PTPRJ: variants seen among roughly 807,000 people sequenced by gnomAD.
PTPRJ encodes receptor-type tyrosine-protein phosphatase eta.
A neutral mutation model predicts 141.3 loss-of-function variants in PTPRJ; 129 were observed. That is an observed-to-expected ratio of 0.91 (90% CI 0.79 to 1.06). The LOEUF (loss-of-function observed/expected upper bound fraction) is 1.06. Ranked by LOEUF, PTPRJ falls within the 50% of genes least tolerant of loss-of-function variation. The pLI, the probability that PTPRJ is intolerant of heterozygous loss-of-function variation, is 0.00. For missense variants in PTPRJ, 1,601 were observed against 1,679.7 expected (o/e 0.95, Z 0.82); for synonymous variants, 610 against 640.5 (o/e 0.95, Z 0.72).
At chr11:48,160,368 CTG>C (rs1857736196) in intron 22 of PTPRJ, among the ~76,000 whole-genome samples, 1 of 152,204 alleles carries the variant, frequency 6.6e-6, no homozygotes, top group African/African-American at 2.4e-5. Flanking sequence ...ACAGAACAAA[CTG>C]TAGCCTTTTG....
intron 1 of PTPRJ, among the ~76,000 whole-genome samples, chr11:48,055,395 C>T (rs1041686386): frequency 6.6e-6 from 1 of 152,114 alleles, no homozygotes; most frequent in African/African-American, 2.4e-5. Context: ...CTGAAAGGCC[C>T]CAAATCTCCC....
chr11:48,019,756 T>A (rs1855059929), intron 1 of PTPRJ, among the ~76,000 whole-genome samples: 1 of 152,184 alleles, frequency 6.6e-6, no homozygotes, highest in Non-Finnish European at 1.5e-5. Flanking sequence ...GCTGAGAGAT[T>A]AAGGCAGTTC....
intron 3 of PTPRJ, among the ~76,000 whole-genome samples, chr11:48,116,306 A>C (rs368936888): frequency 6.6e-6 from 1 of 152,238 alleles, no homozygotes; most frequent in East Asian, 1.9e-4. Flanking sequence ...CTTTAAGTTC[A>C]AAACTTTTAA....
intron 16 of PTPRJ, 186 bp downstream of exon 16, chr11:48,149,674 T>G (rs1857434344): frequency 3.7e-6 from 2 of 539,320 alleles, no homozygotes; most frequent in African/African-American, 2.0e-5. Flanking sequence ...CTCCTGAAGC[T>G]GGCTTCCTTG....
At chr11:48,164,624 T>C in intron 24 of PTPRJ, 109 bp downstream of exon 24, 1 of 1,185,970 alleles carries the variant, frequency 8.4e-7, no homozygotes, top group Non-Finnish European at 1.1e-6. Flanking sequence ...TGGAGTGCAG[T>C]GGCATGATCT....
intron 7 of PTPRJ, among the ~76,000 whole-genome samples, chr11:48,128,986 A>G (rs866126361): frequency 1.3e-5 from 2 of 152,222 alleles, no homozygotes; most frequent in East Asian, 3.8e-4. Context: ...GCCACGAATA[A>G]CACCACCAAA....
chr11:48,066,553 C>T (rs1397696735), intron 1 of PTPRJ, among the ~76,000 whole-genome samples: 7 of 117,160 alleles, frequency 6.0e-5, no homozygotes, highest in East Asian at 4.7e-4. Context: ...ATTATCCAGT[C>T]GTATTATTAT....
intron 1 of PTPRJ, among the ~76,000 whole-genome samples, chr11:48,048,017 G>C (rs1454383357): frequency 6.6e-6 from 1 of 152,194 alleles, no homozygotes; most frequent in Non-Finnish European, 1.5e-5. Context: ...TTGGGGGCCT[G>C]TTTGAGGCCC....
intron 3 of PTPRJ, among the ~76,000 whole-genome samples, chr11:48,116,371 C>G (rs953725963): frequency 1.3e-5 from 2 of 152,154 alleles, no homozygotes; most frequent in African/African-American, 4.8e-5. Flanking sequence ...ATCAAGAGGT[C>G]TTAACAATTA....
intron 15 of PTPRJ, among the ~76,000 whole-genome samples, 164 bp downstream of exon 15, chr11:48,147,127 C>T (rs1157113413): frequency 6.6e-6 from 1 of 152,218 alleles, no homozygotes; most frequent in African/African-American, 2.4e-5. Flanking sequence ...TCTGCGCCCC[C>T]AGCTGGGCGA....
Position 48,125,195 on chromosome 11 carries a change from A to G in PTPRJ, c.1093+9A>G, listed in dbSNP as rs1367317680. 6.2e-7 allele frequency: 1 copy of G among 1,612,682 alleles called. No homozygotes were observed. ...CATAGAGTTCAGGACAAGTAGGTTG[A>G]ACTTTGTAAAATGGTGGCAGCCAGA... On this transcript the variant is annotated intron_variant, in intron 6 of 24. Coordinates refer to ENST00000418331, the MANE Select transcript of PTPRJ (RefSeq NM_002843.4).
intron 1 of PTPRJ, among the ~76,000 whole-genome samples, chr11:48,027,961 C>T (rs140255364): frequency 6.2e-4 from 95 of 152,112 alleles, no homozygotes; most frequent in African/African-American, 2.2e-3. Context: ...CTTCCAGGGT[C>T]CAGATGCTTC....
chr11:48,031,743 A>C (rs146712486), intron 1 of PTPRJ, among the ~76,000 whole-genome samples: 1 of 152,150 alleles, frequency 6.6e-6, no homozygotes, highest in Admixed American at 6.5e-5. Flanking sequence ...GGTGCCTCTC[A>C]TGGTGTGCTT....
At chr11:48,077,838 T>G (rs1187525666) in intron 1 of PTPRJ, among the ~76,000 whole-genome samples, 1 of 152,240 alleles carries the variant, frequency 6.6e-6, no homozygotes, top group Non-Finnish European at 1.5e-5. Context: ...TCCAGCGATT[T>G]GTAACCTTGT....
chr11:48,007,126 A>G (rs899004258), intron 1 of PTPRJ, among the ~76,000 whole-genome samples: 2 of 151,166 alleles, frequency 1.3e-5, no homozygotes, highest in Non-Finnish European at 2.9e-5. Flanking sequence ...TTTGAGACTG[A>G]GTCTCGCTTT....
intron 9 of PTPRJ, 34 bp downstream of exon 9, chr11:48,136,330 CCTCT>C: frequency 6.2e-7 from 1 of 1,600,550 alleles, no homozygotes; most frequent in Non-Finnish European, 8.5e-7. Flanking sequence ...TAAGGAACAG[CCTCT>C]CTAACTGTCT....
At chr11:47,983,780 A>T (rs1173172656) in intron 1 of PTPRJ, among the ~76,000 whole-genome samples, 1 of 151,886 alleles carries the variant, frequency 6.6e-6, no homozygotes, top group Non-Finnish European at 1.5e-5. Context: ...AATCAGCTTG[A>T]TGTGGGCTGA....
chr11:48,161,498 A>G (rs1590571752), intron 22 of PTPRJ, among the ~76,000 whole-genome samples: 1 of 152,324 alleles, frequency 6.6e-6, no homozygotes, highest in Middle Eastern at 3.4e-3. Flanking sequence ...TCTGGCCTCA[A>G]TATTTCAGTT....
chr11:48,022,545 C>T (rs139413287), intron 1 of PTPRJ, among the ~76,000 whole-genome samples: 36 of 151,722 alleles, frequency 2.4e-4, no homozygotes, highest in African/African-American at 8.5e-4. Flanking sequence ...GTTTGGAAAC[C>T]TGGCTTCTGG....
Sources: gnomAD v4.1 joint callset for allele counts (sites outside exome capture counted in the v4.1 genomes callset) on GRCh38, gnomAD v4.1.1 for gene constraint, MANE v1.5 for transcripts, NCBI Gene and HGNC (gene_info 2026-07-23, HGNC 2026-07-21) for gene names.